NOL4L: variants seen among roughly 807,000 people sequenced by gnomAD.
The protein encoded by NOL4L is nucleolar protein 4-like.
Under a neutral mutation model 64.5 loss-of-function variants are expected in NOL4L, and 7 were observed. The observed-to-expected ratio is 0.11, with a 90% CI of 0.06 to 0.20. NOL4L has a LOEUF of 0.20. Ranked by LOEUF, NOL4L falls within the 10% of genes least tolerant of loss-of-function variation. The probability of loss-of-function intolerance (pLI) is 1.00; values close to 1 mark genes in which losing one functional copy is unlikely to be tolerated. For synonymous variants in NOL4L, 413 were observed against 401.0 expected, an observed-to-expected ratio of 1.03 and a Z score of -0.36; for missense variants, 680 against 967.1, an observed-to-expected ratio of 0.70 and a Z score of 3.94.
intron 1 of NOL4L, among the ~76,000 whole-genome samples, chr20:32,536,755 T>C (rs1327085075): frequency 7.8e-6 from 1 of 127,642 alleles, no homozygotes; most frequent in Non-Finnish European, 1.6e-5. Context: ...ATACCAGCTG[T>C]CAGTGCAGGG....
intron 1 of NOL4L, among the ~76,000 whole-genome samples, chr20:32,555,076 T>C (rs1306843178): frequency 1.3e-5 from 2 of 151,998 alleles, no homozygotes; most frequent in Non-Finnish European, 2.9e-5. Context: ...CATGCTGGCT[T>C]CCCCCAGCTA....
At position 32,447,446 on chromosome 20, in the gene NOL4L, A is replaced by T. The variant is rs191891712; in HGVS notation, c.*150T>A. The stretch of plus-strand genomic sequence containing the variant: ...AAAAAAAAAGTGTCCTTGTGCCCAA[A>T]GTCTCAGGTGCTTGGAGTGTGGCTA... On this transcript the variant is annotated 3_prime_UTR_variant, in exon 11 of 11. Coordinates refer to ENST00000621426, the MANE Select transcript of NOL4L (RefSeq NM_001256798.2). 294 of 706,232 alleles carry T rather than the reference A, an allele frequency of 4.2e-4. No individual in the cohort carries two copies. The highest frequency in any genetic ancestry group is 1.1e-3 in the Middle Eastern group (3 of 2,814). 43.7% of individuals were successfully genotyped at this position (706,232 alleles called of 1,614,324 possible).
intron 4 of NOL4L, among the ~76,000 whole-genome samples, chr20:32,486,427 T>G (rs6579020): frequency 0.044 from 6,721 of 152,270 alleles, 407 homozygotes; most frequent in African/African-American, 0.14. Flanking sequence ...CTCCAGCCTC[T>G]GAAGACATTG....
At chr20:32,488,776 TTCCTTCCTTC>T (rs2016230932) in intron 4 of NOL4L, among the ~76,000 whole-genome samples, 2 of 51,494 alleles carry the variant, frequency 3.9e-5, no homozygotes, top group Non-Finnish European at 6.1e-5. Context: ...CCTTCCTTCC[TTCCTTCCTTC>T]CTTCCTTTCT....
intron 1 of NOL4L, among the ~76,000 whole-genome samples, chr20:32,541,297 A>G (rs954460420): frequency 6.6e-6 from 1 of 152,218 alleles, no homozygotes; most frequent in Admixed American, 6.5e-5. Flanking sequence ...TACTGAGGAC[A>G]GAGTCTGGAA....
intron 1 of NOL4L, among the ~76,000 whole-genome samples, chr20:32,574,448 A>G (rs1157895141): frequency 1.3e-5 from 2 of 152,196 alleles, no homozygotes; most frequent in South Asian, 2.1e-4. Context: ...GAATGGGGTC[A>G]TAACACAGCC....
At chr20:32,474,820 C>A in intron 4 of NOL4L, 78 bp from the exon 5 acceptor site, 1 of 1,485,352 alleles carries the variant, frequency 6.7e-7, no homozygotes, top group Non-Finnish European at 9.0e-7. Context: ...GGGTGGACCC[C>A]AGGGCCAGTG....
At chr20:32,508,170 T>C (rs913775628) in intron 4 of NOL4L, among the ~76,000 whole-genome samples, 4 of 152,226 alleles carry the variant, frequency 2.6e-5, no homozygotes, top group Admixed American at 6.5e-5. Flanking sequence ...ATGAAACCAC[T>C]CTCAAAGCCT....
At chr20:32,471,467 G>A (rs1359662473) in intron 5 of NOL4L, among the ~76,000 whole-genome samples, 1 of 152,186 alleles carries the variant, frequency 6.6e-6, no homozygotes, top group Non-Finnish European at 1.5e-5. Flanking sequence ...AGTGGTCTCC[G>A]CCATGGGATT....
At chr20:32,482,138 A>G (rs2015767020) in intron 4 of NOL4L, among the ~76,000 whole-genome samples, 1 of 152,218 alleles carries the variant, frequency 6.6e-6, no homozygotes, top group African/African-American at 2.4e-5. Context: ...CAGAGCAGAC[A>G]GAAAGGAAAA....
In NOL4L at chr20:32,447,614, G is replaced by C; in HGVS notation, c.2025C>G (p.Leu675=). 1 of 1,603,560 alleles carries C rather than the reference G, an allele frequency of 6.2e-7. No individual in the cohort carries two copies. The highest frequency in any genetic ancestry group is 8.5e-7 in the Non-Finnish European group (1 of 1,179,130). Reference sequence around the variant, plus strand: ...GGTGGGGTCAGTTCTGCTGTAGGATGAGGTTTTCCAGTTCATCTGCAGAGC... The same window carrying C: ...GGTGGGGTCAGTTCTGCTGTAGGATCAGGTTTTCCAGTTCATCTGCAGAGC... ...LLRSADELEN[L]ILQQN The change falls in exon 11 of 11, where the codon CTC becomes CTG. Residue 675 remains leucine, a synonymous_variant. Coordinates refer to ENST00000621426, the MANE Select transcript of NOL4L (RefSeq NM_001256798.2).
At chr20:32,574,276 C>T (rs1287084501) in intron 1 of NOL4L, among the ~76,000 whole-genome samples, 3 of 152,238 alleles carry the variant, frequency 2.0e-5, no homozygotes, top group Non-Finnish European at 2.9e-5. Flanking sequence ...GACAATCCCA[C>T]GAGTTAAACA....
chr20:32,582,678 T>C (rs1313944828), intron 1 of NOL4L, among the ~76,000 whole-genome samples: 1 of 105,370 alleles, frequency 9.5e-6, no homozygotes, highest in Non-Finnish European at 1.8e-5. Flanking sequence ...TTCAGGGAGG[T>C]GTAACCAGGA....
intron 4 of NOL4L, among the ~76,000 whole-genome samples, chr20:32,488,861 T>G (rs1031852920): frequency 1.3e-4 from 14 of 105,054 alleles, no homozygotes; most frequent in African/African-American, 7.4e-4. Flanking sequence ...CTTTCTTTCT[T>G]TCTTTCTTTC....
Position 32,511,283 on chromosome 20 carries a change from A to G in NOL4L, c.699+64T>C, listed in dbSNP as rs1784918119. ...AGCTGTGGCCCCAAGTCTTGGAAAG[A>G]ATCAACCACCGCCAGGCAAGTCAGG... On this transcript the variant is annotated intron_variant, in intron 4 of 10. Coordinates refer to ENST00000621426, the MANE Select transcript of NOL4L (RefSeq NM_001256798.2). 27 of 1,031,072 alleles carry G rather than the reference A, an allele frequency of 2.6e-5. 1 individual carries two copies. In the South Asian group the frequency reaches 3.6e-4, roughly 14 times the overall value. The allele number at this position is 1,031,072 out of a possible 1,614,324, so 63.9% of individuals were successfully genotyped here. A position where few individuals can be genotyped will look rare whatever the true frequency, so the allele number is the denominator to read the frequency against.
At chr20:32,575,531 G>T (rs975759080) in intron 1 of NOL4L, among the ~76,000 whole-genome samples, 2 of 152,176 alleles carry the variant, frequency 1.3e-5, no homozygotes, top group African/African-American at 4.8e-5. Flanking sequence ...TCTGCGCCCT[G>T]GGGCTGCTCA....
intron 1 of NOL4L, among the ~76,000 whole-genome samples, chr20:32,575,325 A>C (rs894311823): frequency 2.0e-5 from 3 of 151,970 alleles, no homozygotes; most frequent in African/African-American, 7.3e-5. Context: ...GTTCTTCCAA[A>C]CATGCTTCTC....
At chr20:32,511,727 G>A (rs1180276489) in intron 3 of NOL4L, among the ~76,000 whole-genome samples, 3 of 152,214 alleles carry the variant, frequency 2.0e-5, no homozygotes, top group East Asian at 3.9e-4. Flanking sequence ...GCTCATGCCT[G>A]TAATTCCAGC....
At chr20:32,557,922 A>G (rs937794492) in intron 1 of NOL4L, among the ~76,000 whole-genome samples, 7 of 152,166 alleles carry the variant, frequency 4.6e-5, no homozygotes, top group Admixed American at 3.3e-4. Context: ...AAAAGTAGCC[A>G]GGCATGGTGG....
Sources: gnomAD v4.1 joint callset for allele counts (sites outside exome capture counted in the v4.1 genomes callset) on GRCh38, gnomAD v4.1.1 for gene constraint, MANE v1.5 for transcripts, NCBI Gene and HGNC (gene_info 2026-07-23, HGNC 2026-07-21) for gene names.